The following LINGO2 variants were observed in gnomAD, a reference collection of about 807,000 sequenced individuals.
The protein encoded by LINGO2 is leucine-rich repeat and immunoglobulin-like domain-containing nogo receptor-interacting protein 2.
LINGO2 carries 14 observed loss-of-function variants against 30.6 expected under a neutral mutation model. The ratio of observed to expected loss-of-function variants is 0.46; its 90% CI spans 0.30 to 0.72. LINGO2 has a LOEUF of 0.72. Ranked by LOEUF, LINGO2 falls within the 30% of genes least tolerant of loss-of-function variation. The probability of loss-of-function intolerance (pLI) is 0.07; values close to 1 mark genes in which losing one functional copy is unlikely to be tolerated. For synonymous variants in LINGO2, 317 were observed against 288.5 expected (o/e 1.10, Z -1.00); for missense variants, 729 against 751.7 (o/e 0.97, Z 0.35).
intron 4 of LINGO2, among the ~76,000 whole-genome samples, chr9:28,069,689 T>C (rs1825416085): frequency 6.6e-6 from 1 of 152,142 alleles, no homozygotes; most frequent in South Asian, 2.1e-4. Flanking sequence ...TCTGTCTACG[T>C]TGAGGAGCAT....
At position 28,317,772 on chromosome 9, in the gene LINGO2, C is replaced by T. The variant is rs1219409703; in HGVS notation, c.-245-22406G>A. 6.6e-5 allele frequency among the ~76,000 whole-genome samples: 10 copies of T among 152,250 alleles called. No homozygotes were observed. The East Asian group carries it at 1.9e-3, about 29-fold the overall frequency. On this transcript the variant is annotated intron_variant, in intron 3 of 5. Transcript: ENST00000379992. ...TCATACAGGGTACGAGAACAGCCAGCTGTGTTAGCAGTTACTAACTTTCAA... is the reference window on the plus strand; with the variant it reads ...TCATACAGGGTACGAGAACAGCCAGTTGTGTTAGCAGTTACTAACTTTCAA...
At chr9:28,034,429 C>G (rs892182883) in intron 4 of LINGO2, among the ~76,000 whole-genome samples, 44 of 152,240 alleles carry the variant, frequency 2.9e-4, no homozygotes, top group Non-Finnish European at 1.6e-4. Context: ...TGTGTATATT[C>G]CAGGCAGTTA....
At chr9:28,848,134 AGCATATATATACTATATATAC>A in the LINGO2 span, among the ~76,000 whole-genome samples, 2 of 88,664 alleles carry the variant, frequency 2.3e-5, no homozygotes, top group Non-Finnish European at 4.9e-5. Context: ...CACTATATAT[AGCATATATATACTATATATAC>A]GCATATATAG....
intron 2 of LINGO2, among the ~76,000 whole-genome samples, chr9:28,413,414 C>T (rs1411033206): frequency 6.6e-6 from 1 of 152,054 alleles, no homozygotes; most frequent in Non-Finnish European, 1.5e-5. Context: ...ATAAAATAAA[C>T]ACACACACAT....
At chr9:28,322,757 TAAATA>T (rs1376868346) in intron 3 of LINGO2, among the ~76,000 whole-genome samples, 3 of 152,216 alleles carry the variant, frequency 2.0e-5, no homozygotes, top group Admixed American at 6.5e-5. Flanking sequence ...ATTTTCTCTC[TAAATA>T]AAATCATATA....
the LINGO2 span, among the ~76,000 whole-genome samples, chr9:29,070,802 TTAAAA>T: frequency 6.6e-6 from 1 of 151,590 alleles, no homozygotes; most frequent in Non-Finnish European, 1.5e-5. Flanking sequence ...ATGACATGTT[TTAAAA>T]TAAAATAAGG....
chr9:28,490,257 A>G (rs1241628582), intron 1 of LINGO2, among the ~76,000 whole-genome samples: 1 of 152,206 alleles, frequency 6.6e-6, no homozygotes, highest in Admixed American at 6.5e-5. Context: ...GAGTTTAACA[A>G]AAGAAAATAT....
intron 4 of LINGO2, among the ~76,000 whole-genome samples, chr9:28,178,657 C>T (rs765717421): frequency 1.3e-4 from 20 of 152,110 alleles, no homozygotes; most frequent in Non-Finnish European, 2.6e-4. Context: ...CTGAAAGTTA[C>T]GGTTTCTTTA....
chr9:28,506,503 GAC>G (rs1820140424), intron 1 of LINGO2, among the ~76,000 whole-genome samples: 1 of 83,140 alleles, frequency 1.2e-5, no homozygotes, highest in African/African-American at 4.8e-5. Context: ...CACACACACA[GAC>G]ATATATATAT....
At chr9:28,903,942 T>C in the LINGO2 span, among the ~76,000 whole-genome samples, 1 of 151,992 alleles carries the variant, frequency 6.6e-6, no homozygotes, top group African/African-American at 2.4e-5. Flanking sequence ...CCAATGAACA[T>C]AGATGCAAAA....
the LINGO2 span, among the ~76,000 whole-genome samples, chr9:29,028,419 T>TGGGGGG: frequency 1.1e-3 from 72 of 64,016 alleles, 1 homozygote; most frequent in African/African-American, 3.6e-3. Context: ...GGGTAGTGTG[T>TGGGGGG]GGGGGGGGGT....
At chr9:28,816,722 G>T in the LINGO2 span, among the ~76,000 whole-genome samples, 1 of 152,046 alleles carries the variant, frequency 6.6e-6, no homozygotes, top group African/African-American at 2.4e-5. Flanking sequence ...ATTTAATAAG[G>T]AACTCAGACA....
chr9:28,098,580 G>A (rs181727927), intron 4 of LINGO2, among the ~76,000 whole-genome samples: 4 of 151,836 alleles, frequency 2.6e-5, no homozygotes, highest in East Asian at 3.9e-4. Context: ...TTCTTTTTTC[G>A]TCTATATACT....
intron 4 of LINGO2, among the ~76,000 whole-genome samples, chr9:28,281,934 A>G (rs538793695): frequency 6.6e-6 from 1 of 152,244 alleles, no homozygotes; most frequent in East Asian, 1.9e-4. Context: ...AGGAAACAAT[A>G]TTCCACATGG....
At chr9:28,410,951 C>T (rs1219550316) in intron 2 of LINGO2, among the ~76,000 whole-genome samples, 1 of 152,044 alleles carries the variant, frequency 6.6e-6, no homozygotes, top group Non-Finnish European at 1.5e-5. Flanking sequence ...CAATTGCTTT[C>T]CCCTCAGTGT....
the LINGO2 span, among the ~76,000 whole-genome samples, chr9:28,764,217 C>A: frequency 6.6e-6 from 1 of 151,414 alleles, no homozygotes; most frequent in East Asian, 1.9e-4. Flanking sequence ...ATGAAAACTA[C>A]AGGCCAGTAT....
chr9:28,032,893 C>T (rs1417360247), intron 4 of LINGO2, among the ~76,000 whole-genome samples: 4 of 152,186 alleles, frequency 2.6e-5, no homozygotes, highest in Non-Finnish European at 5.9e-5. Context: ...TTCCATCAGG[C>T]GGCTGCCTTC....
the LINGO2 span, among the ~76,000 whole-genome samples, chr9:28,980,974 A>C: frequency 6.6e-6 from 1 of 152,102 alleles, no homozygotes; most frequent in Non-Finnish European, 1.5e-5. Context: ...TGAATAAAGT[A>C]ATTATTGAGG....
chr9:28,548,796 G>A (rs1822104163), intron 1 of LINGO2, among the ~76,000 whole-genome samples: 2 of 150,696 alleles, frequency 1.3e-5, no homozygotes, highest in Admixed American at 6.6e-5. Flanking sequence ...ACCTCAGGGA[G>A]TTACTATAAA....
Sources: allele counts gnomAD v4.1 joint callset (sites outside exome capture counted in the v4.1 genomes callset), GRCh38; gene constraint gnomAD v4.1.1; transcripts MANE v1.5; gene names NCBI Gene and HGNC (gene_info 2026-07-23, HGNC 2026-07-21).